Variants in ZNF385D observed in about 807,000 individuals in gnomAD.
ZNF385D encodes zinc finger protein 385D.
ZNF385D carries 15 observed loss-of-function variants against 35.8 expected under a neutral mutation model. The ratio of observed to expected loss-of-function variants is 0.42; its 90% CI spans 0.28 to 0.64. The LOEUF is 0.64. ZNF385D is among the 30% of genes least tolerant of loss of function. ZNF385D has a pLI of 0.23. For synonymous variants in ZNF385D, 212 were observed against 186.8 expected (o/e 1.13, Z -1.10); for missense variants, 474 against 494.6 (o/e 0.96, Z 0.39).
At chr3:21,757,118 C>CTTTTTTTTTTTTTTT (rs1444669950) in intron 3 of ZNF385D, among the ~76,000 whole-genome samples, 2 of 55,918 alleles carry the variant, frequency 3.6e-5, no homozygotes, top group African/African-American at 1.2e-4. Flanking sequence ...TGATAAATTT[C>CTTTTTTTTTTTTTTT]TCTTTTTTTT....
chr3:22,311,452 G>A (rs537444873), intron 2 of ZNF385D, among the ~76,000 whole-genome samples: 16 of 151,994 alleles, frequency 1.1e-4, no homozygotes, highest in East Asian at 7.7e-4. Context: ...TCCTAGTACA[G>A]CAAGTCTCAC....
intron 1 of ZNF385D, among the ~76,000 whole-genome samples, chr3:21,709,866 T>C (rs1414461104): frequency 2.6e-4 from 40 of 152,316 alleles, no homozygotes; most frequent in African/African-American, 2.4e-5. Context: ...GTGCACTCTT[T>C]ATAATCACCA....
At chr3:22,208,334 A>G (rs1697291554) in intron 2 of ZNF385D, among the ~76,000 whole-genome samples, 1 of 151,878 alleles carries the variant, frequency 6.6e-6, no homozygotes, top group Admixed American at 6.6e-5. Context: ...AATAAGCCAG[A>G]CACAGGAAGA....
At chr3:22,015,309 T>C (rs1005936810) in intron 3 of ZNF385D, among the ~76,000 whole-genome samples, 3 of 152,170 alleles carry the variant, frequency 2.0e-5, no homozygotes, top group Non-Finnish European at 4.4e-5. Flanking sequence ...AACATGCGCA[T>C]TGCACTATGA....
In ZNF385D at chr3:22,259,066, T is replaced by C. The variant is rs977804652; in HGVS notation, c.107-90031A>G. Among the ~76,000 whole-genome samples the C allele has an allele frequency of 5.9e-5, 9 of 152,076 alleles. No homozygotes were observed. The East Asian group carries it at 1.4e-3, about 23-fold the overall frequency. On this transcript the variant is annotated intron_variant, in intron 2 of 5. Coordinates refer to the ZNF385D transcript ENST00000494108. ...AATTGCTATGTCGATTCTGAAATCA[T>C]AAAATGAACTATTTTAAATTGGGCT...
At chr3:21,654,205 G>A (rs1030158064) in intron 2 of ZNF385D, among the ~76,000 whole-genome samples, 7 of 151,846 alleles carry the variant, frequency 4.6e-5, no homozygotes, top group Non-Finnish European at 1.0e-4. Context: ...TTCTTTGACA[G>A]GTCCTTGAAA....
chr3:21,715,459 A>T (rs2068278957), intron 1 of ZNF385D, among the ~76,000 whole-genome samples: 1 of 152,184 alleles, frequency 6.6e-6, no homozygotes, highest in Non-Finnish European at 1.5e-5. Context: ...ATAGTATTCC[A>T]TTGTATAGGT....
At position 21,750,921 on chromosome 3, in the gene ZNF385D, C is replaced by G. The variant is rs774697086; in HGVS notation, c.-5G>C. On this transcript the variant is annotated 5_prime_UTR_variant, in exon 1 of 8. Transcript: ENST00000281523. The stretch of plus-strand genomic sequence containing the variant: ...AAAATACATTATGTTTCTCATTAAT[C>G]AGACAGCTGGAATCCCACCGCGGTG... 1.4e-5 allele frequency: 23 copies of G among 1,614,070 alleles called. No individual in the cohort carries two copies. The highest frequency in any genetic ancestry group is 2.7e-5 in the African/African-American group (2 of 74,932).
rs1017829040 is a variant in ZNF385D at position 21,817,933 on chromosome 3, G to A, written c.326-152905C>T. On this transcript the variant is annotated intron_variant, in intron 3 of 5. Transcript: ENST00000494108. ...GCAAAGACTTGGAACCAACCCAAAT[G>A]TCCATCAGTGACAGACTGGATTAAG... Among the ~76,000 whole-genome samples, 3 of 152,176 alleles carry A rather than the reference G, an allele frequency of 2.0e-5. No individual in the cohort carries two copies. The South Asian group carries it at 6.2e-4, about 32-fold the overall frequency.
In ZNF385D at chr3:21,924,592, C is replaced by T. The variant is rs544663880; in HGVS notation, c.325+244225G>A. The stretch of plus-strand genomic sequence containing the variant: ...TTCAACCTCTCTAATCTATTACAAG[C>T]AATCCTTGTCTCCTGTACCCTTTAC... On this transcript the variant is annotated intron_variant, in intron 3 of 5. Coordinates refer to the ZNF385D transcript ENST00000494108. 8.7e-4 allele frequency among the ~76,000 whole-genome samples: 132 copies of T among 152,216 alleles called. 1 individual carries two copies. The highest frequency in any genetic ancestry group is 1.0e-3 in the Non-Finnish European group (68 of 68,010).
intron 3 of ZNF385D, among the ~76,000 whole-genome samples, chr3:21,869,621 T>G (rs1226638770): frequency 1.3e-5 from 2 of 152,162 alleles, no homozygotes; most frequent in African/African-American, 4.8e-5. Flanking sequence ...TTACATGTTC[T>G]AAGTGATGCA....
intron 4 of ZNF385D, among the ~76,000 whole-genome samples, chr3:21,501,113 C>G (rs904912973): frequency 6.6e-6 from 1 of 152,132 alleles, no homozygotes; most frequent in Non-Finnish European, 1.5e-5. Context: ...CCCACAAGCC[C>G]TGTGCCAAGC....
intron 3 of ZNF385D, among the ~76,000 whole-genome samples, chr3:21,856,584 C>T (rs562372482): frequency 6.6e-6 from 1 of 152,038 alleles, no homozygotes; most frequent in African/African-American, 2.4e-5. Context: ...TCTTCTTTTT[C>T]ATATAAACTA....
chr3:21,497,719 C>T (rs1216268470), intron 4 of ZNF385D, among the ~76,000 whole-genome samples: 3 of 152,006 alleles, frequency 2.0e-5, no homozygotes, highest in Middle Eastern at 6.8e-3. Context: ...TGAGGTGGCT[C>T]ATGCCTGTAG....
chr3:21,695,129 A>G (rs566705988), intron 1 of ZNF385D, among the ~76,000 whole-genome samples: 1 of 152,348 alleles, frequency 6.6e-6, no homozygotes, highest in African/African-American at 2.4e-5. Context: ...TATATTTGCC[A>G]TCATCATTGT....
At position 22,346,147 on chromosome 3, in the gene ZNF385D, A is replaced by G. The variant is rs531919595; in HGVS notation, c.106+26303T>C. ...CCCTGACATACATGAATTTATTTTCATATTTCCCACTCCTGTTAGCCTTTA... is the reference window on the plus strand; with the variant it reads ...CCCTGACATACATGAATTTATTTTCGTATTTCCCACTCCTGTTAGCCTTTA... On this transcript the variant is annotated intron_variant, in intron 2 of 5. Transcript: ENST00000494108. Among the ~76,000 whole-genome samples, 23 of 152,316 alleles carry G rather than the reference A, an allele frequency of 1.5e-4. No homozygotes were observed. In the South Asian group the frequency reaches 4.1e-3, roughly 27 times the overall value.
intron 3 of ZNF385D, among the ~76,000 whole-genome samples, chr3:21,822,874 A>G (rs1045707248): frequency 7.2e-5 from 11 of 152,212 alleles, no homozygotes; most frequent in African/African-American, 2.7e-4. Flanking sequence ...AACAGCAAGC[A>G]AGTAATACTG....
intron 3 of ZNF385D, among the ~76,000 whole-genome samples, chr3:21,907,534 G>A (rs921955289): frequency 5.9e-5 from 9 of 151,822 alleles, no homozygotes; most frequent in African/African-American, 2.2e-4. Flanking sequence ...CCATTTTTTT[G>A]TTATTAAAAA....
intron 2 of ZNF385D, among the ~76,000 whole-genome samples, chr3:22,255,165 T>C (rs1559481635): frequency 6.6e-6 from 1 of 151,586 alleles, no homozygotes. Flanking sequence ...TGTATAGACC[T>C]TGAAAAATGC....
Sources: allele counts gnomAD v4.1 joint callset (sites outside exome capture counted in the v4.1 genomes callset), GRCh38; gene constraint gnomAD v4.1.1; transcripts MANE v1.5; gene names NCBI Gene and HGNC (gene_info 2026-07-23, HGNC 2026-07-21).